OLA1: variants seen among roughly 807,000 people sequenced by gnomAD.
OLA1 encodes obg-like ATPase 1.
In OLA1, 14 loss-of-function variants were observed where a neutral mutation model predicts 48.4. That is an observed-to-expected ratio of 0.29 (90% confidence interval 0.19 to 0.45). The LOEUF is 0.45. OLA1 is among the 20% of genes least tolerant of loss of function. OLA1 has a pLI of 1.00. For missense variants in OLA1, 325 were observed against 467.1 expected, an observed-to-expected ratio of 0.70 and a Z score of 2.80; for synonymous variants, 127 against 150.4, an observed-to-expected ratio of 0.84 and a Z score of 1.14.
chr2:174,107,822 T>C (rs1685550136), intron 7 of OLA1, among the ~76,000 whole-genome samples: 1 of 152,138 alleles, frequency 6.6e-6, no homozygotes, highest in African/African-American at 2.4e-5. Flanking sequence ...TGGTTTAGGA[T>C]AATTGTGTCA....
At chr2:174,106,743 G>A (rs59556168) in intron 7 of OLA1, among the ~76,000 whole-genome samples, 47,627 of 152,022 alleles carry the variant, frequency 0.31, 7,597 homozygotes, top group Non-Finnish European at 0.35. Flanking sequence ...TTATTGTTAA[G>A]CTATTCTTAT....
chr2:174,112,925 C>T (rs537035809), intron 7 of OLA1, among the ~76,000 whole-genome samples: 1 of 152,208 alleles, frequency 6.6e-6, no homozygotes, highest in Non-Finnish European at 1.5e-5. Flanking sequence ...TCCCTCACCC[C>T]ATCACTGAAG....
rs765537408 is a variant in OLA1, at chr2:174,201,696, GTAA to G, written c.373+21334_373+21336del. On this transcript the variant is annotated intron_variant, in intron 4 of 10. Coordinates refer to ENST00000284719, the MANE Select transcript of OLA1 (RefSeq NM_013341.5). ...GCAAATCTTGAGAGAGTTAATAGAT[GTAA>G]TAATAAAGCCTTTATTATACTGCTT... 1.1e-4 allele frequency among the ~76,000 whole-genome samples: 16 copies of G among 152,270 alleles called. 1 individual carries two copies. In the East Asian group the frequency reaches 1.7e-3, roughly 17 times the overall value.
chr2:174,194,953 TTC>T (rs1249924323), intron 4 of OLA1, among the ~76,000 whole-genome samples: 2 of 151,638 alleles, frequency 1.3e-5, no homozygotes, highest in Non-Finnish European at 2.9e-5. Flanking sequence ...TATTCATATT[TTC>T]TCTCTCTCTC....
intron 3 of OLA1, among the ~76,000 whole-genome samples, chr2:174,228,851 C>T (rs1559016220): frequency 6.6e-6 from 1 of 152,114 alleles, no homozygotes; most frequent in Non-Finnish European, 1.5e-5. Flanking sequence ...ACTGGGTATA[C>T]CCTTCTACAC....
intron 7 of OLA1, among the ~76,000 whole-genome samples, chr2:174,100,001 T>C (rs912941206): frequency 1.3e-5 from 2 of 152,178 alleles, no homozygotes; most frequent in East Asian, 1.9e-4. Flanking sequence ...AAAACAATAA[T>C]AACAACCCAG....
chr2:174,113,882 C>T (rs978716210), intron 7 of OLA1, among the ~76,000 whole-genome samples: 3 of 152,090 alleles, frequency 2.0e-5, no homozygotes, highest in Non-Finnish European at 4.4e-5. Context: ...TTTCCAACCG[C>T]CTGCCCTATC....
rs575294860 is a variant in OLA1, at chr2:174,155,509, A to C, written c.374-13509T>G. On this transcript the variant is annotated intron_variant, in intron 4 of 10. Transcript: ENST00000284719. The stretch of plus-strand genomic sequence containing the variant: ...AGAGAAGCAAAGCATAAAACATGGC[A>C]AACTACAGACTGCAATAGAAGACAC... Among the ~76,000 whole-genome samples the C allele has an allele frequency of 4.7e-4, 72 of 152,340 alleles. 1 individual carries two copies. Among genetic ancestry groups the C allele is most frequent in the African/African-American group, 1.7e-3 (69 of 41,590 alleles).
intron 4 of OLA1, among the ~76,000 whole-genome samples, chr2:174,156,423 C>T (rs1446206356): frequency 1.3e-5 from 2 of 152,026 alleles, no homozygotes; most frequent in Non-Finnish European, 2.9e-5. Context: ...AAAGATATTA[C>T]CATAGGTTCA....
chr2:174,126,418 G>A (rs1686044951), intron 5 of OLA1, among the ~76,000 whole-genome samples: 1 of 152,162 alleles, frequency 6.6e-6, no homozygotes, highest in African/African-American at 2.4e-5. Flanking sequence ...AAATGCAGAT[G>A]TAGGGGTACT....
chr2:174,091,742 C>T (rs61630699), intron 7 of OLA1, among the ~76,000 whole-genome samples: 3 of 151,432 alleles, frequency 2.0e-5, no homozygotes, highest in Non-Finnish European at 4.4e-5. Flanking sequence ...GGTATGGTGG[C>T]GGGCACCTGT....
chr2:174,205,610 A>G (rs1430529201), intron 4 of OLA1, among the ~76,000 whole-genome samples: 1 of 152,192 alleles, frequency 6.6e-6, no homozygotes, highest in Non-Finnish European at 1.5e-5. Context: ...CAAAATATCT[A>G]AATCTCTGCT....
chr2:174,170,441 G>C (rs1382579777), intron 4 of OLA1, among the ~76,000 whole-genome samples: 3 of 151,672 alleles, frequency 2.0e-5, no homozygotes, highest in African/African-American at 7.3e-5. Flanking sequence ...AGAGACAGAG[G>C]AACAAACCAC....
chr2:174,088,781 C>T (rs1356494261), intron 7 of OLA1, among the ~76,000 whole-genome samples: 4 of 151,936 alleles, frequency 2.6e-5, no homozygotes, highest in African/African-American at 7.3e-5. Context: ...GAGGCTGAGG[C>T]GGGAGGACTG....
At chr2:174,207,990 G>A (rs1688155793) in intron 4 of OLA1, among the ~76,000 whole-genome samples, 1 of 152,062 alleles carries the variant, frequency 6.6e-6, no homozygotes, top group African/African-American at 2.4e-5. Context: ...ATATAGCGAG[G>A]GATGACTGTA....
At chr2:174,086,620 G>T (rs1270217873) in intron 7 of OLA1, among the ~76,000 whole-genome samples, 1 of 152,040 alleles carries the variant, frequency 6.6e-6, no homozygotes, top group Admixed American at 6.6e-5. Flanking sequence ...ATTAAGGGAC[G>T]CTTGAACACA....
At chr2:174,224,017 G>A (rs955576534) in intron 3 of OLA1, among the ~76,000 whole-genome samples, 1 of 152,120 alleles carries the variant, frequency 6.6e-6, no homozygotes, top group Non-Finnish European at 1.5e-5. Context: ...TATATATAAT[G>A]TAATTGTGTA....
chr2:174,104,401 A>G (rs955554869), intron 7 of OLA1, among the ~76,000 whole-genome samples: 17 of 152,118 alleles, frequency 1.1e-4, no homozygotes, highest in African/African-American at 3.9e-4. Flanking sequence ...CTAAGAACAC[A>G]TTACAACAAT....
intron 4 of OLA1, among the ~76,000 whole-genome samples, chr2:174,214,904 T>C (rs1688327887): frequency 1.3e-5 from 2 of 151,714 alleles, no homozygotes; most frequent in African/African-American, 4.8e-5. Context: ...ACAAAAATTA[T>C]CTAGGCATGG....
Sources: allele counts gnomAD v4.1 joint callset (sites outside exome capture counted in the v4.1 genomes callset), GRCh38; gene constraint gnomAD v4.1.1; transcripts MANE v1.5; gene names NCBI Gene and HGNC (gene_info 2026-07-23, HGNC 2026-07-21).